The following SAMM50 variants were observed in gnomAD, a reference collection of about 807,000 sequenced individuals.
SAMM50 encodes sorting and assembly machinery component 50 homolog.
SAMM50 carries 47 observed loss-of-function variants against 66.9 expected under a neutral mutation model. The observed-to-expected ratio is 0.70, with a 90% confidence interval of 0.56 to 0.90. The LOEUF (loss-of-function observed/expected upper bound fraction) is 0.90. SAMM50 is among the 40% of genes least tolerant of loss of function. The pLI is 0.00. For missense variants in SAMM50, 535 were observed against 595.3 expected (o/e 0.90, Z 1.05); for synonymous variants, 191 against 214.1 (o/e 0.89, Z 0.94).
chr22:43,970,591 G>C (rs910013751), intron 4 of SAMM50, among the ~76,000 whole-genome samples: 3 of 152,192 alleles, frequency 2.0e-5, no homozygotes, highest in Non-Finnish European at 4.4e-5. Context: ...CACTGGACTT[G>C]AGTTAATAAT....
At chr22:43,973,888 C>T (rs1202821892) in intron 7 of SAMM50, among the ~76,000 whole-genome samples, 7 of 152,192 alleles carry the variant, frequency 4.6e-5, no homozygotes, top group Admixed American at 1.3e-4. Flanking sequence ...GCTGGGATTA[C>T]AGGTGTGAGC....
intron 14 of SAMM50, among the ~76,000 whole-genome samples, chr22:43,991,275 A>AT (rs938187573): frequency 0.028 from 3,244 of 116,604 alleles, 134 homozygotes; most frequent in African/African-American, 0.083. Flanking sequence ...CACGCCCGGC[A>AT]TTTTTTTTTT....
At chr22:43,985,885 A>G (rs2050289789) in intron 12 of SAMM50, among the ~76,000 whole-genome samples, 1 of 151,312 alleles carries the variant, frequency 6.6e-6, no homozygotes, top group Non-Finnish European at 1.5e-5. Context: ...TTGTCTTATG[A>G]CACACTATTA....
intron 1 of SAMM50, among the ~76,000 whole-genome samples, chr22:43,960,600 G>A (rs62228002): frequency 1.3e-5 from 2 of 151,910 alleles, no homozygotes; most frequent in Admixed American, 6.6e-5. Context: ...ATAGTGGCAC[G>A]CACCTGTAAT....
intron 12 of SAMM50, chr22:43,988,784 T>G: frequency 4.9e-6 from 1 of 203,794 alleles, no homozygotes. Flanking sequence ...GTCATCTACA[T>G]TTGTGGATAA....
intron 10 of SAMM50, among the ~76,000 whole-genome samples, chr22:43,980,344 G>T (rs1021821464): frequency 1.3e-5 from 2 of 148,496 alleles, no homozygotes; most frequent in African/African-American, 5.0e-5. Context: ...TTGAGGAGGC[G>T]GTGACAAGTG....
rs10661965 is a variant in SAMM50, at chr22:43,990,980, A to ATT, written c.1364+587_1364+588dup. ...CTATTTCTTACATGCATTGTGTAAAATTTTTTTTTTTTTTGAGACAGACTC... is the reference window on the plus strand; with the variant it reads ...CTATTTCTTACATGCATTGTGTAAAATTTTTTTTTTTTTTTTGAGACAGACTC... On this transcript the variant is annotated intron_variant, in intron 14 of 14. Coordinates refer to ENST00000350028, the MANE Select transcript of SAMM50 (RefSeq NM_015380.5). 8.1e-3 allele frequency among the ~76,000 whole-genome samples: 1,201 copies of ATT among 148,572 alleles called. 23 individuals carry two copies. The highest frequency in any genetic ancestry group is 0.026 in the African/African-American group (1,064 of 40,486).
chr22:43,975,525 C>T (rs1262682411), intron 7 of SAMM50: 4 of 152,958 alleles, frequency 2.6e-5, no homozygotes, highest in Non-Finnish European at 4.4e-5. Context: ...AAGCAGGTGC[C>T]ACCTGCTTGG....
At chr22:43,981,278 C>T (rs553177651) in intron 10 of SAMM50, 113 bp from the exon 11 acceptor site, 107 of 812,810 alleles carry the variant, frequency 1.3e-4, no homozygotes, top group Middle Eastern at 1.1e-3. Flanking sequence ...TGCACCCCAT[C>T]GCGGAGCTCT....
Position 43,977,865 on chromosome 22 carries a change from C to T in SAMM50, c.850-7C>T, listed in dbSNP as rs748830471. 6.2e-7 allele frequency: 1 copy of T among 1,611,356 alleles called. No homozygotes were observed. Among genetic ancestry groups the T allele is most frequent in the Admixed American group, 1.7e-5 (1 of 59,938 alleles). On this transcript the variant is annotated splice_region_variant and splice_polypyrimidine_tract_variant and intron_variant, in intron 9 of 14. Transcript: ENST00000350028. ...CTCCCTTTGACCTGAGTGCTCCTTC[C>T]CTGCAGGAACTGGCAGGCTACACTG...
intron 1 of SAMM50, among the ~76,000 whole-genome samples, chr22:43,955,889 T>C (rs1163480076): frequency 6.6e-6 from 1 of 152,252 alleles, no homozygotes; most frequent in Non-Finnish European, 1.5e-5. Flanking sequence ...GCAGTGAATG[T>C]GCTCTTTCTT....
intron 14 of SAMM50, 115 bp from the exon 15 acceptor site, chr22:43,996,223 G>C: frequency 8.9e-7 from 1 of 1,129,110 alleles, no homozygotes. Flanking sequence ...CAGGAAGGCA[G>C]CAGGAGGAGG....
chr22:43,968,226 CAAAAAAAAAA>C (rs66961907), intron 3 of SAMM50, among the ~76,000 whole-genome samples: 2 of 68,648 alleles, frequency 2.9e-5, no homozygotes, highest in Non-Finnish European at 5.5e-5. Flanking sequence ...AACTCTGTCT[CAAAAAAAAAA>C]AAAAAAAAAA....
chr22:43,987,379 A>G (rs1463441032), intron 12 of SAMM50: 1 of 152,234 alleles, frequency 6.6e-6, no homozygotes, highest in Non-Finnish European at 1.5e-5. Flanking sequence ...TGATGGCATG[A>G]GTAAATCTCA....
Position 43,983,984 on chromosome 22 carries a change from C to T in SAMM50, c.1059C>T (p.Ile353=), listed in dbSNP as rs2050277987. ...TCCGCGGATTCAGCATGCACAGCAT[C>T]GGGCCACAGAGCGAAGGTCTGTCCT... ...TSIRGFSMHS[I]GPQSEGDYLG... The change falls in exon 12 of 15, where the codon ATC becomes ATT. Residue 353 remains isoleucine (I), a synonymous_variant. Transcript: ENST00000350028. This position sits in a 1 kb window ranked among gnomAD's most constrained non-coding sequence, Gnocchi z 4.2. 2.5e-6 allele frequency: 4 copies of T among 1,611,570 alleles called. No homozygotes were observed. In the African/African-American group the frequency reaches 4.0e-5, roughly 16 times the overall value.
At chr22:43,990,483 T>G in intron 14 of SAMM50, 77 bp downstream of exon 14, 1 of 1,370,000 alleles carries the variant, frequency 7.3e-7, no homozygotes, top group Non-Finnish European at 1.0e-6. Context: ...GTGGTTAATT[T>G]CATTAGTGGC....
rs1603419613 is a variant in SAMM50, at chr22:43,979,262, C to CTCTGGT, written c.936+1308_936+1313dup. Among the ~76,000 whole-genome samples, 5 of 152,348 alleles carry CTCTGGT rather than the reference C, an allele frequency of 3.3e-5. No homozygotes were observed. The East Asian group carries it at 9.7e-4, about 29-fold the overall frequency. On this transcript the variant is annotated intron_variant, in intron 10 of 14. Coordinates refer to ENST00000350028, the MANE Select transcript of SAMM50 (RefSeq NM_015380.5). ...TGCAGCTGCTGCCTGTGTGTAGCAA[C>CTCTGGT]TCTGGTTCTCCTGCCTCCTTCCTGG...
intron 14 of SAMM50, 91 bp from the exon 15 acceptor site, chr22:43,996,247 G>A (rs996000200): frequency 9.4e-6 from 13 of 1,383,526 alleles, no homozygotes; most frequent in East Asian, 2.3e-5. Context: ...AAGCGGAGGC[G>A]GCACCTTCTG....
At chr22:43,984,290 G>GCTTC (rs71313378) in intron 12 of SAMM50, among the ~76,000 whole-genome samples, 35,853 of 151,896 alleles carry the variant, frequency 0.24, 5,003 homozygotes, top group East Asian at 0.38. Flanking sequence ...TTTGACATGT[G>GCTTC]CTTCCTACTC....
Sources: gnomAD v4.1 joint callset for allele counts (sites outside exome capture counted in the v4.1 genomes callset) on GRCh38, gnomAD v4.1.1 for gene constraint, Gnocchi (gnomAD v3.1) non-coding constraint, MANE v1.5 for transcripts, NCBI Gene and HGNC (gene_info 2026-07-23, HGNC 2026-07-21) for gene names.